PCDHGA8: variants seen among roughly 807,000 people sequenced by gnomAD.
PCDHGA8 encodes protocadherin gamma-A8.
In PCDHGA8, 45 loss-of-function variants were observed where a neutral mutation model predicts 59.2. That is an observed-to-expected ratio of 0.76 (90% confidence interval 0.60 to 0.98). The LOEUF (loss-of-function observed/expected upper bound fraction) is 0.98, where lower values mean the gene tolerates loss of function less well. Among genes scored for constraint, PCDHGA8 ranks in the 50% least tolerant of loss-of-function variants. PCDHGA8 has a pLI of 0.00. For missense variants in PCDHGA8, 1,257 were observed against 1,196.2 expected, an observed-to-expected ratio of 1.05 and a Z score of -0.75; for synonymous variants, 531 against 519.0, an observed-to-expected ratio of 1.02 and a Z score of -0.32.
At chr5:141,403,118 C>A (rs780657795) in intron 1 of PCDHGA8, 2 of 1,614,058 alleles carry the variant, frequency 1.2e-6, no homozygotes. Context: ...GGCTCTGGAG[C>A]CCCGGGAGCT....
chr5:141,403,215 G>A (rs2150961720), intron 1 of PCDHGA8: 1 of 1,613,996 alleles, frequency 6.2e-7, no homozygotes, highest in South Asian at 1.1e-5. Flanking sequence ...GTCACCGCGG[G>A]TAGGATAGAC....
chr5:141,452,654 T>C (rs2098746449), intron 1 of PCDHGA8, among the ~76,000 whole-genome samples: 1 of 151,162 alleles, frequency 6.6e-6, no homozygotes, highest in Non-Finnish European at 1.5e-5. Context: ...ATTTGCTCCA[T>C]CCACTGCACT....
chr5:141,489,077 C>G lies in PCDHGA8; in HGVS notation c.2425-5730C>G, dbSNP rs957205894. On this transcript the variant is annotated intron_variant, in intron 1 of 3. Coordinates refer to ENST00000398604, the MANE Select transcript of PCDHGA8 (RefSeq NM_032088.2). The surrounding 1 kb of genome is among the most constrained non-coding windows in gnomAD (Gnocchi z 4.5). The stretch of plus-strand genomic sequence containing the variant: ...AGCTCCCCTCCCCCCTGCCCACCCC[C>G]GCCACTCGGTGACTAAGAACTGCTG... 7 of 325,684 alleles carry G rather than the reference C, an allele frequency of 2.1e-5. No homozygotes were observed. Among genetic ancestry groups the G allele is most frequent in the Non-Finnish European group, 3.9e-5 (7 of 181,468 alleles). The allele number at this position is 325,684 out of a possible 1,614,324, so 20.2% of individuals were successfully genotyped here.
Position 141,487,321 on chromosome 5 carries a change from T to C in PCDHGA8, c.2425-7486T>C. 1.2e-6 allele frequency: 2 copies of C among 1,614,198 alleles called. No individual in the cohort carries two copies. The highest frequency in any genetic ancestry group is 1.7e-6 in the Non-Finnish European group (2 of 1,180,040). Reference sequence around the variant, plus strand: ...TCGTGGCACTACTCTCTAAGTGTCTTCGTGGGGCAGCCTGTGGAGTCACAT... The same window carrying C: ...TCGTGGCACTACTCTCTAAGTGTCTCCGTGGGGCAGCCTGTGGAGTCACAT... On this transcript the variant is annotated intron_variant, in intron 1 of 3. Transcript: ENST00000398604. The surrounding 1 kb of genome is among the most constrained non-coding windows in gnomAD (Gnocchi z 5.0).
At position 141,490,664 on chromosome 5, in the gene PCDHGA8, C is replaced by T; in HGVS notation, c.2425-4143C>T. 6.2e-7 allele frequency: 1 copy of T among 1,614,212 alleles called. No homozygotes were observed. The highest frequency in any genetic ancestry group is 1.1e-5 in the South Asian group (1 of 91,084). On this transcript the variant is annotated intron_variant, in intron 1 of 3. Coordinates refer to ENST00000398604, the MANE Select transcript of PCDHGA8 (RefSeq NM_032088.2). The surrounding 1 kb of genome is among the most constrained non-coding windows in gnomAD (Gnocchi z 5.4). ...CGGCCTCCGGGCTCCCTTCTTTGCA[C>T]TGTGGCTGCCTCAGATCCAGACACT...
At chr5:141,448,662 C>T (rs1242351797) in intron 1 of PCDHGA8, among the ~76,000 whole-genome samples, 1 of 151,980 alleles carries the variant, frequency 6.6e-6, no homozygotes, top group Non-Finnish European at 1.5e-5. Flanking sequence ...CCATATTGGC[C>T]GGGCGCGGTG....
At chr5:141,416,405 T>C (rs948190812) in intron 1 of PCDHGA8, 1 of 152,200 alleles carries the variant, frequency 6.6e-6, no homozygotes, top group Non-Finnish European at 1.5e-5. Context: ...TTTGTCTTTT[T>C]TGTTAAATTT....
intron 1 of PCDHGA8, among the ~76,000 whole-genome samples, chr5:141,463,948 C>A (rs1397198849): frequency 6.6e-6 from 1 of 151,846 alleles, no homozygotes; most frequent in Non-Finnish European, 1.5e-5. Context: ...TAGAAATCTT[C>A]ATTTTTAAAA....
chr5:141,505,405 C>T lies in PCDHGA8; in HGVS notation c.2496C>T (p.Gly832=), dbSNP rs745516568. 2.5e-6 allele frequency: 4 copies of T among 1,614,130 alleles called. No individual in the cohort carries two copies. The highest frequency in any genetic ancestry group is 3.3e-4 in the Middle Eastern group (2 of 6,062). ...QRPGTSGSQN[G]DDTGTWPNNQ... ...ACTCTCTCCCCAGCTCCCAAAATGG[C>T]GATGACACCGGCACCTGGCCCAACA... Residue 832 remains glycine (G), a synonymous_variant, in exon 3 of 4, where the codon GGC becomes GGT. Transcript: ENST00000398604.
chr5:141,451,812 C>G (rs974567828), intron 1 of PCDHGA8, among the ~76,000 whole-genome samples: 1 of 149,686 alleles, frequency 6.7e-6, no homozygotes, highest in Non-Finnish European at 1.5e-5. Flanking sequence ...ACCCAGGAGG[C>G]GGAGGTTACA....
intron 2 of PCDHGA8, among the ~76,000 whole-genome samples, chr5:141,496,628 C>T (rs928402582): frequency 2.0e-5 from 3 of 152,212 alleles, no homozygotes; most frequent in Non-Finnish European, 2.9e-5. Flanking sequence ...GATCAAAAGG[C>T]TTGGGCTGCC....
intron 1 of PCDHGA8, chr5:141,399,892 G>T: frequency 1.2e-6 from 2 of 1,612,554 alleles, no homozygotes; most frequent in Non-Finnish European, 1.7e-6. Flanking sequence ...CAAGGTAGTG[G>T]CCGTGGACGC....
chr5:141,395,364 A>G, intron 1 of PCDHGA8, 127 bp downstream of exon 1: 1 of 1,264,440 alleles, frequency 7.9e-7, no homozygotes, highest in Non-Finnish European at 1.1e-6. Flanking sequence ...TTTTGGGTTT[A>G]TTTTGGTGGT....
Position 141,495,011 on chromosome 5 carries a change from G to A in PCDHGA8, c.2483+146G>A, listed in dbSNP as rs2099758277. On this transcript the variant is annotated intron_variant, in intron 2 of 3. Coordinates refer to ENST00000398604, the MANE Select transcript of PCDHGA8 (RefSeq NM_032088.2). ...CCAGGGAGGTCTTGGTGTGCGGGGG[G>A]CTGGCACACAGACCCCGGAAGGAAG... is the stretch of plus-strand genomic sequence containing the variant. 4.6e-6 allele frequency: 7 copies of A among 1,512,044 alleles called. No individual in the cohort carries two copies. In the East Asian group the frequency reaches 1.5e-4, roughly 32 times the overall value. 93.7% of individuals were successfully genotyped at this position (1,512,044 alleles called of 1,614,324 possible).
chr5:141,476,328 G>C lies in PCDHGA8; in HGVS notation c.2425-18479G>C, dbSNP rs1381722714. On this transcript the variant is annotated intron_variant, in intron 1 of 3. Coordinates refer to ENST00000398604, the MANE Select transcript of PCDHGA8 (RefSeq NM_032088.2). This position sits in a 1 kb window ranked among gnomAD's most constrained non-coding sequence, Gnocchi z 7.6. Reference sequence around the variant, plus strand: ...GCCCGCAGGTTCCGGGTGGTGTCTGGAGCTAGCCGAAGATTCTTTGAGGTG... The same window carrying C: ...GCCCGCAGGTTCCGGGTGGTGTCTGCAGCTAGCCGAAGATTCTTTGAGGTG... 1 of 1,614,176 alleles carries C rather than the reference G, an allele frequency of 6.2e-7. No individual in the cohort carries two copies. Among genetic ancestry groups the C allele is most frequent in the East Asian group, 2.2e-5 (1 of 44,864 alleles).
intron 1 of PCDHGA8, among the ~76,000 whole-genome samples, chr5:141,447,975 A>G (rs1352829510): frequency 6.6e-6 from 1 of 151,928 alleles, no homozygotes; most frequent in Non-Finnish European, 1.5e-5. Flanking sequence ...AATCCCAGCT[A>G]CTCGGGAGGC....
chr5:141,479,679 T>A (rs1211872684), intron 1 of PCDHGA8: 1 of 152,258 alleles, frequency 6.6e-6, no homozygotes, highest in East Asian at 1.9e-4. Flanking sequence ...AAGGAGAGTC[T>A]TTTTGGTGCC....
chr5:141,501,945 T>G (rs1318749969), intron 2 of PCDHGA8, among the ~76,000 whole-genome samples: 5 of 152,106 alleles, frequency 3.3e-5, no homozygotes, highest in African/African-American at 1.2e-4. Context: ...CACTGCTCCC[T>G]GTGACAGGTC....
chr5:141,467,203 C>T (rs896621746), intron 1 of PCDHGA8, among the ~76,000 whole-genome samples: 1 of 152,052 alleles, frequency 6.6e-6, no homozygotes, highest in African/African-American at 2.4e-5. Flanking sequence ...CAGGCACATG[C>T]CACCATGCCT....
Sources: gnomAD v4.1 joint callset for allele counts (sites outside exome capture counted in the v4.1 genomes callset) on GRCh38, gnomAD v4.1.1 for gene constraint, Gnocchi (gnomAD v3.1) non-coding constraint, MANE v1.5 for transcripts, NCBI Gene and HGNC (gene_info 2026-07-23, HGNC 2026-07-21) for gene names.